Variants in GNA15 observed in about 807,000 individuals in gnomAD.
GNA15 encodes the protein G protein subunit alpha 15, also known as guanine nucleotide-binding protein subunit alpha-15.
GNA15 carries 23 observed loss-of-function variants against 40.1 expected under a neutral mutation model. That is an observed-to-expected ratio of 0.57 (90% CI 0.41 to 0.81). The LOEUF is 0.81. Among genes scored for constraint, GNA15 ranks in the 40% least tolerant of loss-of-function variants. GNA15 has a pLI of 0.00. For synonymous variants in GNA15, 226 were observed against 210.4 expected (o/e 1.07, Z -0.64); for missense variants, 522 against 515.8 (o/e 1.01, Z -0.12).
chr19:3,138,344 T>C (rs1914498457), intron 1 of GNA15, among the ~76,000 whole-genome samples: 1 of 128,458 alleles, frequency 7.8e-6, no homozygotes, highest in African/African-American at 3.0e-5. Context: ...TACCTTTCCC[T>C]GATTATGGCC....
chr19:3,150,995 C>G (rs540029994), intron 3 of GNA15, among the ~76,000 whole-genome samples: 74 of 150,910 alleles, frequency 4.9e-4, no homozygotes, highest in Middle Eastern at 3.5e-3. Flanking sequence ...AGGGGTGATC[C>G]TGTTCCTGGG....
At chr19:3,156,202 A>G (rs372621466) in intron 5 of GNA15, among the ~76,000 whole-genome samples, 4,148 of 143,240 alleles carry the variant, frequency 0.029, 66 homozygotes, top group South Asian at 0.044. Context: ...ACACACACAC[A>G]CTACAGTGCA....
chr19:3,147,255 A>T (rs1914746330), intron 1 of GNA15, among the ~76,000 whole-genome samples: 1 of 152,216 alleles, frequency 6.6e-6, no homozygotes, highest in South Asian at 2.1e-4. Flanking sequence ...TATTGTTATG[A>T]TAAATAATAA....
chr19:3,151,649 C>T lies in GNA15; in HGVS notation c.486-58C>T. The T allele has an allele frequency of 6.7e-7, 1 of 1,503,128 alleles. No individual in the cohort carries two copies. The allele number at this position is 1,503,128 out of a possible 1,614,324, so 93.1% of individuals were successfully genotyped here. A position where few individuals can be genotyped will look rare whatever the true frequency, so the allele number is the denominator to read the frequency against. ...GTCCTTGCTGGGCCTTTCGTAGGGCCTGGGAAGCAAAGGGAGGCTGGCTGC... is the reference window on the plus strand; with the variant it reads ...GTCCTTGCTGGGCCTTTCGTAGGGCTTGGGAAGCAAAGGGAGGCTGGCTGC... On this transcript the variant is annotated intron_variant, in intron 3 of 6. Transcript: ENST00000262958. The surrounding 1 kb of genome is among the most constrained non-coding windows in gnomAD (Gnocchi z 5.0).
rs1555705467 is a variant in GNA15 at position 3,144,127 on chromosome 19, C to CAGA, written c.146-4463_146-4462insGAA. Among the ~76,000 whole-genome samples, 38 of 124,882 alleles carry CAGA rather than the reference C, an allele frequency of 3.0e-4. 2 individuals carry two copies. The highest frequency in any genetic ancestry group is 1.4e-3 in the Admixed American group (17 of 11,926). 81.9% of individuals were successfully genotyped at this position (124,882 alleles called of 152,430 possible). A position where few individuals can be genotyped will look rare whatever the true frequency, so the allele number is the denominator to read the frequency against. ...CGATAGAGCAAGAAAGACTCCCTCT[C>CAGA]AAAAAAAAAAAAAAAGAGTTGTCCC... On this transcript the variant is annotated intron_variant, in intron 1 of 6. Transcript: ENST00000262958.
intron 2 of GNA15, 166 bp from the exon 3 acceptor site, chr19:3,149,965 G>C: frequency 3.4e-6 from 2 of 589,744 alleles, no homozygotes; most frequent in Non-Finnish European, 3.0e-6. Context: ...AGAACAGACG[G>C]AGGACAAATC....
intron 5 of GNA15, among the ~76,000 whole-genome samples, chr19:3,157,051 G>A (rs1915046898): frequency 1.3e-5 from 2 of 151,818 alleles, no homozygotes. Context: ...AGGTTAGAGT[G>A]CAGTGGCGCG....
At position 3,163,725 on chromosome 19, in the gene GNA15, G is replaced by A. The variant is rs1258983833; in HGVS notation, c.*706G>A. On this transcript the variant is annotated 3_prime_UTR_variant, in exon 7 of 7. Transcript: ENST00000262958. Reference sequence around the variant, plus strand: ...CCTTCTGCAGGGCTCCGTGCGGGCTGAAATTAAAGATTTCTTAGAGGCTGC... The same window carrying A: ...CCTTCTGCAGGGCTCCGTGCGGGCTAAAATTAAAGATTTCTTAGAGGCTGC... 6.6e-6 allele frequency: 1 copy of A among 152,212 alleles called. No individual in the cohort carries two copies. The highest frequency in any genetic ancestry group is 1.5e-5 in the Non-Finnish European group (1 of 68,056). The allele number at this position is 152,212 out of a possible 1,614,324, so 9.4% of individuals were successfully genotyped here.
chr19:3,149,909 G>A, intron 2 of GNA15: 1 of 503,858 alleles, frequency 2.0e-6, no homozygotes, highest in Non-Finnish European at 3.5e-6. Flanking sequence ...GCCCTCTGCA[G>A]CCCCTCATGT....
At position 3,151,566 on chromosome 19, in the gene GNA15, C is replaced by A; in HGVS notation, c.486-141C>A. ...GCCTCAGGTGGGGGACGCTCCTGGG[C>A]CATCTGCCAACTCCAGGGACCCCAC... On this transcript the variant is annotated intron_variant, in intron 3 of 6. Transcript: ENST00000262958. This position sits in a 1 kb window ranked among gnomAD's most constrained non-coding sequence, Gnocchi z 5.0. The A allele has an allele frequency of 1.1e-6, 1 of 923,148 alleles. No individual in the cohort carries two copies. The highest frequency in any genetic ancestry group is 1.6e-6 in the Non-Finnish European group (1 of 635,442). 57.2% of individuals were successfully genotyped at this position (923,148 alleles called of 1,614,324 possible).
At chr19:3,150,496 A>C (rs1230904582) in intron 3 of GNA15, among the ~76,000 whole-genome samples, 1 of 149,738 alleles carries the variant, frequency 6.7e-6, no homozygotes. Flanking sequence ...CCTTCATGGA[A>C]TGACCTTGTT....
At chr19:3,159,205 T>G (rs1915092271) in intron 6 of GNA15, among the ~76,000 whole-genome samples, 2 of 151,728 alleles carry the variant, frequency 1.3e-5, no homozygotes, top group South Asian at 2.1e-4. Context: ...TTTGTATTTT[T>G]GGTCGAGATG....
At chr19:3,156,496 G>GCA (rs1043304585) in intron 5 of GNA15, among the ~76,000 whole-genome samples, 1 of 151,350 alleles carries the variant, frequency 6.6e-6, no homozygotes, top group East Asian at 1.9e-4. Context: ...AGGCACACAG[G>GCA]CACACACATG....
intron 2 of GNA15, chr19:3,149,330 C>T: frequency 6.2e-6 from 1 of 162,044 alleles, no homozygotes; most frequent in South Asian, 1.6e-4. Flanking sequence ...TGCAAATTCC[C>T]ACATGCACAC....
At chr19:3,159,218 G>T (rs1024647370) in intron 6 of GNA15, among the ~76,000 whole-genome samples, 4 of 151,006 alleles carry the variant, frequency 2.6e-5, no homozygotes, top group Non-Finnish European at 5.9e-5. Context: ...TCGAGATGGG[G>T]TTTCATCATG....
chr19:3,140,508 A>T (rs1279765648), intron 1 of GNA15, among the ~76,000 whole-genome samples: 1 of 152,110 alleles, frequency 6.6e-6, no homozygotes, highest in Non-Finnish European at 1.5e-5. Flanking sequence ...TCCTCAGAGA[A>T]GTCTTCCCTG....
intron 1 of GNA15, among the ~76,000 whole-genome samples, chr19:3,147,903 A>G (rs1221671681): frequency 6.6e-6 from 1 of 151,076 alleles, no homozygotes; most frequent in Non-Finnish European, 1.5e-5. Context: ...AAAAAAAAAA[A>G]AGAAGAGAAA....
chr19:3,144,706 T>A (rs543606305), intron 1 of GNA15, among the ~76,000 whole-genome samples: 1 of 151,196 alleles, frequency 6.6e-6, no homozygotes, highest in East Asian at 1.9e-4. Context: ...TTTTTTGTAT[T>A]TTTAGTAGAG....
intron 1 of GNA15, chr19:3,142,995 C>T (rs1424518469): frequency 6.6e-6 from 1 of 152,194 alleles, no homozygotes; most frequent in Non-Finnish European, 1.5e-5. Flanking sequence ...TGCCACACCC[C>T]AAGGAGCTGT....
Sources: gnomAD v4.1 joint callset for allele counts (sites outside exome capture counted in the v4.1 genomes callset) on GRCh38, gnomAD v4.1.1 for gene constraint, Gnocchi (gnomAD v3.1) non-coding constraint, MANE v1.5 for transcripts, NCBI Gene and HGNC (gene_info 2026-07-23, HGNC 2026-07-21) for gene names.